Variants in GPATCH2 observed in about 807,000 individuals in gnomAD.
GPATCH2 encodes the protein G patch domain-containing protein 2.
A neutral mutation model predicts 58.0 loss-of-function variants in GPATCH2; 51 were observed. That is an observed-to-expected ratio of 0.88 (90% CI 0.70 to 1.11). The LOEUF is 1.11. Ranked by LOEUF, GPATCH2 falls within the 50% of genes most tolerant of loss-of-function variation. GPATCH2 has a pLI of 0.00. For synonymous variants in GPATCH2, 222 were observed against 218.5 expected, an observed-to-expected ratio of 1.02 and a Z score of -0.14; for missense variants, 625 against 652.2, an observed-to-expected ratio of 0.96 and a Z score of 0.45.
chr1:217,437,148 T>G (rs1658874960), intron 9 of GPATCH2, among the ~76,000 whole-genome samples: 1 of 152,092 alleles, frequency 6.6e-6, no homozygotes, highest in Non-Finnish European at 1.5e-5. Flanking sequence ...CTCCCTCCCC[T>G]AGGCAAGGGT....
intron 8 of GPATCH2, among the ~76,000 whole-genome samples, chr1:217,474,242 C>T (rs1229541310): frequency 6.6e-6 from 1 of 152,140 alleles, no homozygotes; most frequent in African/African-American, 2.4e-5. Context: ...ACCTTGAATA[C>T]AGTGTCCATT....
At chr1:217,534,269 T>C (rs1485630747) in intron 5 of GPATCH2, among the ~76,000 whole-genome samples, 1 of 152,090 alleles carries the variant, frequency 6.6e-6, no homozygotes, top group Admixed American at 6.6e-5. Context: ...TTATAATTAA[T>C]TGCTCTCTCC....
At chr1:217,432,154 C>CTCCCTCCT (rs1346899592) in intron 9 of GPATCH2, among the ~76,000 whole-genome samples, 1 of 151,636 alleles carries the variant, frequency 6.6e-6, no homozygotes, top group Non-Finnish European at 1.5e-5. Context: ...CTTCCCTTCC[C>CTCCCTCCT]TCCCTCCTTC....
intron 5 of GPATCH2, among the ~76,000 whole-genome samples, chr1:217,558,152 G>T (rs926050968): frequency 6.6e-6 from 1 of 152,056 alleles, no homozygotes; most frequent in African/African-American, 2.4e-5. Flanking sequence ...TAGAAACAGG[G>T]CTCTAAAAAG....
chr1:217,490,567 A>G (rs1312415917), intron 8 of GPATCH2, among the ~76,000 whole-genome samples: 1 of 152,050 alleles, frequency 6.6e-6, no homozygotes, highest in Non-Finnish European at 1.5e-5. Flanking sequence ...TTTTTATACT[A>G]TATTCTGGCT....
At chr1:217,616,755 A>T (rs1247499608) in intron 2 of GPATCH2, among the ~76,000 whole-genome samples, 2 of 152,186 alleles carry the variant, frequency 1.3e-5, no homozygotes. Flanking sequence ...AGTGAATTTT[A>T]TAACACGGTA....
At chr1:217,597,163 CAA>C (rs570344554) in intron 5 of GPATCH2, among the ~76,000 whole-genome samples, 2 of 139,282 alleles carry the variant, frequency 1.4e-5, no homozygotes, top group East Asian at 2.0e-4. Context: ...CTGTCCCTAC[CAA>C]AAAAAAAAAA....
intron 5 of GPATCH2, among the ~76,000 whole-genome samples, chr1:217,520,451 C>A (rs1373172072): frequency 6.6e-6 from 1 of 152,168 alleles, no homozygotes; most frequent in African/African-American, 2.4e-5. Flanking sequence ...AGGTTCCTAT[C>A]ATTCATATCT....
At chr1:217,487,469 A>G (rs1480472239) in intron 8 of GPATCH2, among the ~76,000 whole-genome samples, 1 of 140,962 alleles carries the variant, frequency 7.1e-6, no homozygotes, top group Non-Finnish European at 1.5e-5. Context: ...CTTGTTGCCC[A>G]GGCTGGAGTG....
chr1:217,445,340 A>G (rs771616378), intron 9 of GPATCH2, among the ~76,000 whole-genome samples: 11 of 152,158 alleles, frequency 7.2e-5, no homozygotes, highest in Non-Finnish European at 1.3e-4. Context: ...ATATCTCAAA[A>G]AAGGAACTTA....
intron 1 of GPATCH2, 49 bp from the exon 2 acceptor site, chr1:217,620,548 G>A (rs1302188441): frequency 2.9e-6 from 3 of 1,044,528 alleles, no homozygotes; most frequent in Non-Finnish European, 4.3e-6. Context: ...CTTAACCACA[G>A]TAACCTCATT....
chr1:217,512,014 T>TA (rs1231203139), intron 6 of GPATCH2, among the ~76,000 whole-genome samples: 1 of 152,090 alleles, frequency 6.6e-6, no homozygotes, highest in African/African-American at 2.4e-5. Context: ...AATACAGACT[T>TA]ACCAAATGAA....
intron 2 of GPATCH2, 129 bp from the exon 3 acceptor site, chr1:217,614,331 AT>A (rs960038587): frequency 0.011 from 6,095 of 542,808 alleles, 26 homozygotes; most frequent in East Asian, 0.056. Flanking sequence ...AAATAAGATG[AT>A]TTTTTTTTTA....
chr1:217,487,178 T>C (rs1558426993), intron 8 of GPATCH2, among the ~76,000 whole-genome samples: 1 of 152,208 alleles, frequency 6.6e-6, no homozygotes, highest in Admixed American at 6.5e-5. Flanking sequence ...GCACCTATAA[T>C]ACCAAGGGCT....
chr1:217,588,776 T>C (rs1437495766), intron 5 of GPATCH2, among the ~76,000 whole-genome samples: 1 of 152,130 alleles, frequency 6.6e-6, no homozygotes, highest in Non-Finnish European at 1.5e-5. Context: ...TTATAAACTA[T>C]TGTCAGCTGA....
chr1:217,502,353 C>A (rs957922093), intron 6 of GPATCH2, among the ~76,000 whole-genome samples: 1 of 151,986 alleles, frequency 6.6e-6, no homozygotes, highest in African/African-American at 2.4e-5. Context: ...ACCTATGAAC[C>A]ATGAAGTCTC....
intron 9 of GPATCH2, among the ~76,000 whole-genome samples, chr1:217,443,245 G>A (rs907625181): frequency 1.1e-4 from 16 of 152,246 alleles, no homozygotes; most frequent in African/African-American, 3.6e-4. Context: ...TTTAGTAGTG[G>A]TCAGTCTTTA....
intron 5 of GPATCH2, among the ~76,000 whole-genome samples, chr1:217,529,037 G>A (rs1405808762): frequency 6.6e-6 from 1 of 152,110 alleles, no homozygotes; most frequent in Non-Finnish European, 1.5e-5. Flanking sequence ...ACAGTGATTG[G>A]ACAGACAGAT....
intron 8 of GPATCH2, among the ~76,000 whole-genome samples, chr1:217,486,582 C>G (rs1313225024): frequency 6.6e-6 from 1 of 152,192 alleles, no homozygotes; most frequent in Non-Finnish European, 1.5e-5. Context: ...ATCCTCCCGC[C>G]TTGGCCTTCC....
Sources: gnomAD v4.1 joint callset for allele counts (sites outside exome capture counted in the v4.1 genomes callset) on GRCh38, gnomAD v4.1.1 for gene constraint, MANE v1.5 for transcripts, NCBI Gene and HGNC (gene_info 2026-07-23, HGNC 2026-07-21) for gene names.